TBC1D1: variants seen among roughly 807,000 people sequenced by gnomAD.
The protein encoded by TBC1D1 is TBC1 (tre-2/USP6, BUB2, cdc16) domain family, member 1.
TBC1D1 carries 89 observed loss-of-function variants against 125.6 expected under a neutral mutation model. The observed-to-expected ratio is 0.71, with a 90% CI of 0.60 to 0.85. TBC1D1 has a LOEUF of 0.85. Among genes scored for constraint, TBC1D1 ranks in the 40% least tolerant of loss-of-function variants. The probability of loss-of-function intolerance (pLI) is 0.00; values close to 1 mark genes in which losing one functional copy is unlikely to be tolerated. For missense variants in TBC1D1, 1,377 were observed against 1,469.2 expected (o/e 0.94, Z 1.03); for synonymous variants, 565 against 564.1 (o/e 1.00, Z -0.02).
chr4:38,098,790 G>T (rs1432979620), intron 14 of TBC1D1, among the ~76,000 whole-genome samples: 1 of 152,168 alleles, frequency 6.6e-6, no homozygotes, highest in African/African-American at 2.4e-5. Context: ...TCACCTCAGA[G>T]ACCTTGTAAG....
At chr4:38,057,585 G>A (rs199795297) in intron 12 of TBC1D1, among the ~76,000 whole-genome samples, 1 of 152,132 alleles carries the variant, frequency 6.6e-6, no homozygotes, top group East Asian at 1.9e-4. Flanking sequence ...CTGAATTTCT[G>A]AATAACATTG....
intron 2 of TBC1D1, among the ~76,000 whole-genome samples, chr4:37,999,704 G>C (rs1215494560): frequency 6.6e-6 from 1 of 152,166 alleles, no homozygotes; most frequent in African/African-American, 2.4e-5. Context: ...TAGAGGAAAG[G>C]CTTGCCCACT....
At chr4:38,105,863 A>C (rs1215207508) in intron 15 of TBC1D1, among the ~76,000 whole-genome samples, 22 of 152,104 alleles carry the variant, frequency 1.4e-4, no homozygotes, top group Non-Finnish European at 3.1e-4. Context: ...GGTTGGTTCC[A>C]TGTCTTTGCA....
At chr4:38,045,027 A>G (rs143366044) in intron 9 of TBC1D1, among the ~76,000 whole-genome samples, 22 of 152,358 alleles carry the variant, frequency 1.4e-4, no homozygotes, top group African/African-American at 5.3e-4. Context: ...CACAAACACT[A>G]TATGCCTCAC....
chr4:37,939,534 C>T (rs1333265978), intron 2 of TBC1D1, among the ~76,000 whole-genome samples: 3 of 152,184 alleles, frequency 2.0e-5, no homozygotes, highest in Non-Finnish European at 4.4e-5. Flanking sequence ...TCATTAGATC[C>T]CATTTGTCAA....
At chr4:37,938,215 TAA>T (rs34934021) in intron 2 of TBC1D1, among the ~76,000 whole-genome samples, 1 of 151,368 alleles carries the variant, frequency 6.6e-6, no homozygotes, top group Non-Finnish European at 1.5e-5. Context: ...ACCCCATGTC[TAA>T]AAAAAAATTA....
intron 12 of TBC1D1, among the ~76,000 whole-genome samples, chr4:38,087,662 T>C (rs1352688626): frequency 2.0e-5 from 3 of 151,628 alleles, no homozygotes; most frequent in Non-Finnish European, 4.4e-5. Context: ...GCCAACATGG[T>C]GAAACCCCGT....
intron 19 of TBC1D1, among the ~76,000 whole-genome samples, chr4:38,136,049 A>G (rs947151935): frequency 6.6e-6 from 1 of 151,988 alleles, no homozygotes; most frequent in East Asian, 1.9e-4. Context: ...AGAGCACTCC[A>G]GGATGCAGCT....
intron 12 of TBC1D1, among the ~76,000 whole-genome samples, chr4:38,061,654 GT>G (rs1156281447): frequency 6.6e-6 from 1 of 151,950 alleles, no homozygotes; most frequent in East Asian, 1.9e-4. Flanking sequence ...TAAGTTCAAA[GT>G]TTTTTTTGTC....
chr4:37,923,290 T>A (rs1426295288), intron 2 of TBC1D1, among the ~76,000 whole-genome samples: 1 of 152,194 alleles, frequency 6.6e-6, no homozygotes, highest in Non-Finnish European at 1.5e-5. Context: ...GAACTCATCC[T>A]TTTTTATGGC....
intron 12 of TBC1D1, among the ~76,000 whole-genome samples, chr4:38,072,397 C>T (rs1420908227): frequency 6.6e-6 from 1 of 152,210 alleles, no homozygotes; most frequent in Non-Finnish European, 1.5e-5. Flanking sequence ...TCTCTGTTGC[C>T]TCATTTTGGC....
At chr4:38,071,918 C>T (rs549834559) in intron 12 of TBC1D1, among the ~76,000 whole-genome samples, 57 of 152,276 alleles carry the variant, frequency 3.7e-4, no homozygotes, top group East Asian at 1.7e-3. Context: ...ATGATTTGCA[C>T]TGTATTTAGG....
At chr4:38,121,944 C>T (rs1318347524) in intron 17 of TBC1D1, among the ~76,000 whole-genome samples, 8 of 152,190 alleles carry the variant, frequency 5.3e-5, no homozygotes, top group African/African-American at 1.9e-4. Flanking sequence ...GGCCCTTCCT[C>T]CCAAGCAAAG....
intron 17 of TBC1D1, chr4:38,118,393 C>CT (rs66591458): frequency 0.69 from 416,236 of 602,354 alleles, 144,681 homozygotes; most frequent in East Asian, 0.74. Flanking sequence ...CGGGGCTTCC[C>CT]TAGATGCCTT....
intron 19 of TBC1D1, among the ~76,000 whole-genome samples, chr4:38,133,855 A>G (rs1346518463): frequency 2.0e-5 from 3 of 152,196 alleles, no homozygotes; most frequent in African/African-American, 7.2e-5. Flanking sequence ...GTGCAGAGCA[A>G]GCACTGAGGT....
At chr4:37,936,432 G>C (rs1280096263) in intron 2 of TBC1D1, among the ~76,000 whole-genome samples, 1 of 152,196 alleles carries the variant, frequency 6.6e-6, no homozygotes, top group African/African-American at 2.4e-5. Flanking sequence ...GTCTCTCTCT[G>C]TTGCTGCACT....
intron 2 of TBC1D1, among the ~76,000 whole-genome samples, chr4:37,942,562 G>T (rs146199966): frequency 6.6e-5 from 10 of 151,304 alleles, no homozygotes; most frequent in African/African-American, 2.4e-4. Context: ...TTTTTAGGAC[G>T]GAGTCTTGCT....
chr4:38,000,507 G>A (rs781576654), intron 2 of TBC1D1, among the ~76,000 whole-genome samples: 6 of 152,034 alleles, frequency 3.9e-5, no homozygotes, highest in African/African-American at 4.8e-5. Flanking sequence ...GTGTCATGTC[G>A]GTGCTCAAAA....
intron 14 of TBC1D1, among the ~76,000 whole-genome samples, chr4:38,098,688 C>T (rs780069549): frequency 2.0e-5 from 3 of 152,086 alleles, no homozygotes; most frequent in African/African-American, 4.8e-5. Context: ...CAAATGAGGG[C>T]GGTCTATTTT....
Sources: gnomAD v4.1 joint callset for allele counts (sites outside exome capture counted in the v4.1 genomes callset) on GRCh38, gnomAD v4.1.1 for gene constraint, MANE v1.5 for transcripts, NCBI Gene and HGNC (gene_info 2026-07-23, HGNC 2026-07-21) for gene names.